ZNF724: variants seen among roughly 807,000 people sequenced by gnomAD.
The protein encoded by ZNF724 is zinc finger protein 724.
A neutral mutation model predicts 29.3 loss-of-function variants in ZNF724; 14 were observed. The ratio of observed to expected loss-of-function variants is 0.48; its 90% confidence interval spans 0.32 to 0.75. The LOEUF (loss-of-function observed/expected upper bound fraction) is 0.75, where lower values mean the gene tolerates loss of function less well. Ranked by LOEUF, ZNF724 falls within the 30% of genes least tolerant of loss-of-function variation. The probability of loss-of-function intolerance (pLI) is 0.04; values close to 1 mark genes in which losing one functional copy is unlikely to be tolerated. For synonymous variants in ZNF724, 180 were observed against 193.6 expected (o/e 0.93, Z 0.58); for missense variants, 557 against 571.2 (o/e 0.98, Z 0.25).
rs146571014 is a variant in ZNF724, at chr19:23,224,339, A to G, written c.227-321T>C. ...GAGGCAGAAGAATCGCTTGAACCTG[A>G]GCGGCAGAAGTTGCAGTGAGCTGAT... is the stretch of plus-strand genomic sequence containing the variant. On this transcript the variant is annotated intron_variant, in intron 3 of 3. Transcript: ENST00000418100. Among the ~76,000 whole-genome samples, 638 of 151,988 alleles carry G rather than the reference A, an allele frequency of 4.2e-3. 6 individuals are homozygous for G. Among genetic ancestry groups the G allele is most frequent in the African/African-American group, 0.015 (618 of 41,466 alleles).
intron 3 of ZNF724, among the ~76,000 whole-genome samples, chr19:23,226,892 G>A (rs868235415): frequency 6.6e-6 from 1 of 152,004 alleles, no homozygotes. Context: ...ATTTTAATAT[G>A]TAAGTAAAAC....
intron 1 of ZNF724, among the ~76,000 whole-genome samples, chr19:23,240,518 G>A (rs1972102326): frequency 6.6e-6 from 1 of 151,998 alleles, no homozygotes; most frequent in East Asian, 1.9e-4. Context: ...AACCAAAATG[G>A]AGTCACTGAT....
chr19:23,249,999 G>GA (rs1349359091), intron 1 of ZNF724, among the ~76,000 whole-genome samples: 1 of 152,192 alleles, frequency 6.6e-6, no homozygotes, highest in Non-Finnish European at 1.5e-5. Context: ...GAGCTGCCCA[G>GA]AGAGGGCTCC....
At chr19:23,232,674 CTTG>C (rs1197797779) in intron 1 of ZNF724, among the ~76,000 whole-genome samples, 2 of 97,244 alleles carry the variant, frequency 2.1e-5, no homozygotes, top group African/African-American at 3.8e-5. Flanking sequence ...AACTGGAAAT[CTTG>C]TTATGCTTTT....
intron 1 of ZNF724, among the ~76,000 whole-genome samples, chr19:23,242,384 G>C (rs1439551454): frequency 6.6e-6 from 1 of 151,830 alleles, no homozygotes. Context: ...TTTGAGACCA[G>C]TCAGGACAAC....
intron 3 of ZNF724, among the ~76,000 whole-genome samples, chr19:23,229,543 A>G (rs1971898437): frequency 1.3e-5 from 2 of 152,234 alleles, no homozygotes; most frequent in Non-Finnish European, 2.9e-5. Flanking sequence ...AGACCTGACT[A>G]CAGAAACCTG....
chr19:23,241,650 C>T (rs1387015241), intron 1 of ZNF724, among the ~76,000 whole-genome samples: 23 of 152,138 alleles, frequency 1.5e-4, no homozygotes, highest in Non-Finnish European at 1.5e-5. Context: ...ACAAAATTAT[C>T]TCAATAGATG....
intron 1 of ZNF724, among the ~76,000 whole-genome samples, chr19:23,240,717 T>A (rs1306635420): frequency 9.4e-4 from 102 of 108,534 alleles, no homozygotes; most frequent in Middle Eastern, 5.3e-3. Flanking sequence ...GGATTCCACC[T>A]AAAAAAAAAA....
rs571454558 is a variant in ZNF724, at chr19:23,243,126, AC to A, written c.3+7113del. ...AATACTGTATGACCATAAAAAAGGA[AC>A]AAGATCATTTCATTTGCAGTCACAT... On this transcript the variant is annotated intron_variant, in intron 1 of 3. Transcript: ENST00000418100. 2.2e-4 allele frequency among the ~76,000 whole-genome samples: 34 copies of A among 152,160 alleles called. No individual in the cohort carries two copies. The South Asian group carries it at 6.8e-3, about 31-fold the overall frequency.
intron 3 of ZNF724, among the ~76,000 whole-genome samples, chr19:23,225,969 A>G (rs1220672759): frequency 1.3e-5 from 2 of 151,780 alleles, no homozygotes; most frequent in Non-Finnish European, 2.9e-5. Flanking sequence ...CTACCCCTTC[A>G]ATTCCCCAAG....
At chr19:23,238,774 G>C (rs138250099) in intron 1 of ZNF724, among the ~76,000 whole-genome samples, 313 of 152,272 alleles carry the variant, frequency 2.1e-3, no homozygotes, top group Non-Finnish European at 3.7e-3. Context: ...CGGGCGTGGT[G>C]GCATGCACCT....
In ZNF724 at chr19:23,221,828, T is replaced by C. The variant is rs1971719795; in HGVS notation, c.*557A>G. 1 of 153,492 alleles carries C rather than the reference T, an allele frequency of 6.5e-6. No individual in the cohort carries two copies. The highest frequency in any genetic ancestry group is 1.4e-5 in the Non-Finnish European group (1 of 69,026). The allele number at this position is 153,492 out of a possible 1,614,324, so 9.5% of individuals were successfully genotyped here. On this transcript the variant is annotated 3_prime_UTR_variant, in exon 4 of 4. Transcript: ENST00000418100. ...TCTGACCTCAAGTAAACCACCTGCC[T>C]TGGCCTCCAAAGTGCTGAAATTACA...
At chr19:23,243,047 A>G (rs1294030416) in intron 1 of ZNF724, among the ~76,000 whole-genome samples, 2 of 142,198 alleles carry the variant, frequency 1.4e-5, no homozygotes, top group Admixed American at 1.5e-4. Context: ...CTCAAAAAAA[A>G]AAAAAAAAAA....
At chr19:23,231,132 C>T in intron 3 of ZNF724, 134 bp downstream of exon 3, 1 of 683,486 alleles carries the variant, frequency 1.5e-6, no homozygotes, top group South Asian at 2.4e-5. Flanking sequence ...ATCTGCCCGC[C>T]TTAGCCTCTC....
At chr19:23,225,269 A>C (rs528095767) in intron 3 of ZNF724, among the ~76,000 whole-genome samples, 1 of 152,292 alleles carries the variant, frequency 6.6e-6, no homozygotes, top group South Asian at 2.1e-4. Flanking sequence ...TAAACGTATC[A>C]AAAAATGTGA....
At chr19:23,244,132 G>A (rs1321038716) in intron 1 of ZNF724, among the ~76,000 whole-genome samples, 1 of 152,050 alleles carries the variant, frequency 6.6e-6, no homozygotes, top group Non-Finnish European at 1.5e-5. Context: ...TATGTAAACT[G>A]AAAGATTGGT....
At chr19:23,243,433 G>T (rs185956165) in intron 1 of ZNF724, among the ~76,000 whole-genome samples, 1,318 of 123,296 alleles carry the variant, frequency 0.011, 12 homozygotes, top group Non-Finnish European at 0.014. Context: ...CTGAGATCGC[G>T]CCACTGCACT....
Position 23,250,373 on chromosome 19 carries a change from A to G in ZNF724, c.-131T>C. The stretch of plus-strand genomic sequence containing the variant: ...CAGGGAAGACGAGACCAAGCGCTCC[A>G]GCTGCAGCGAGAGACAAAGGCCCCG... On this transcript the variant is annotated 5_prime_UTR_variant, in exon 1 of 4. Coordinates refer to ENST00000418100, the MANE Select transcript of ZNF724 (RefSeq NM_001355404.2). The G allele has an allele frequency of 2.1e-6, 1 of 468,416 alleles. No homozygotes were observed. The highest frequency in any genetic ancestry group is 4.3e-6 in the Non-Finnish European group (1 of 233,446). The allele number at this position is 468,416 out of a possible 1,614,324, so 29.0% of individuals were successfully genotyped here.
chr19:23,227,710 G>C (rs955354344), intron 3 of ZNF724, among the ~76,000 whole-genome samples: 4 of 152,104 alleles, frequency 2.6e-5, no homozygotes, highest in Non-Finnish European at 5.9e-5. Context: ...TCTGAAGAAA[G>C]TGGGTGCAAA....
Sources: gnomAD v4.1 joint callset for allele counts (sites outside exome capture counted in the v4.1 genomes callset) on GRCh38, gnomAD v4.1.1 for gene constraint, MANE v1.5 for transcripts, NCBI Gene and HGNC (gene_info 2026-07-23, HGNC 2026-07-21) for gene names.